Variants in CSMD1 observed in about 807,000 individuals in gnomAD.
CSMD1 encodes CUB and sushi domain-containing protein 1.
CSMD1 carries 213 observed loss-of-function variants against 417.5 expected under a neutral mutation model. That is an observed-to-expected ratio of 0.51 (90% CI 0.46 to 0.57). The LOEUF (loss-of-function observed/expected upper bound fraction) is 0.57. CSMD1 is among the 20% of genes least tolerant of loss of function. The pLI is 0.00. For missense variants in CSMD1, 6,923 were observed against 4,529.7 expected (o/e 1.53, Z -15.17); for synonymous variants, 2,862 against 1,736.8 (o/e 1.65, Z -16.11).
rs192557560 is a variant in CSMD1 at position 4,449,195 on chromosome 8, A to G, written c.303-29130T>C. Among the ~76,000 whole-genome samples, 1,145 of 152,004 alleles carry G rather than the reference A, an allele frequency of 7.5e-3. 9 individuals carry two copies. The highest frequency in any genetic ancestry group is 0.025 in the African/African-American group (1,043 of 41,286). ...TCAAAAGCAAGTACATTCTTCTACA[A>G]TACAGTTTTACTTCTATTTTCTCAG... is the stretch of plus-strand genomic sequence containing the variant. On this transcript the variant is annotated intron_variant, in intron 2 of 69. Transcript: ENST00000635120.
intron 21 of CSMD1, among the ~76,000 whole-genome samples, chr8:3,357,338 CT>C (rs1563306503): frequency 2.6e-5 from 4 of 152,164 alleles, no homozygotes; most frequent in African/African-American, 9.7e-5. Flanking sequence ...TTTGTAGAGT[CT>C]TTTTGTCTTA....
intron 52 of CSMD1, among the ~76,000 whole-genome samples, chr8:3,002,941 A>G (rs975912314): frequency 6.6e-5 from 10 of 152,152 alleles, no homozygotes; most frequent in Non-Finnish European, 1.2e-4. Flanking sequence ...TTGCCTGAAG[A>G]AAAAAAAGTT....
intron 3 of CSMD1, among the ~76,000 whole-genome samples, chr8:4,122,277 T>C (rs144670101): frequency 6.6e-6 from 1 of 152,218 alleles, no homozygotes; most frequent in African/African-American, 2.4e-5. Flanking sequence ...GACCTGGTTA[T>C]TTATAGATTT....
At chr8:4,545,763 G>A (rs1483065059) in intron 2 of CSMD1, among the ~76,000 whole-genome samples, 1 of 152,166 alleles carries the variant, frequency 6.6e-6, no homozygotes, top group Non-Finnish European at 1.5e-5. Flanking sequence ...AAACGCATCT[G>A]TACCTGGAAT....
intron 5 of CSMD1, among the ~76,000 whole-genome samples, chr8:3,839,304 A>G (rs186795817): frequency 0.014 from 1,744 of 123,794 alleles, 35 homozygotes; most frequent in African/African-American, 0.037. Flanking sequence ...ATACTATTAT[A>G]TATACTATTA....
intron 6 of CSMD1, among the ~76,000 whole-genome samples, chr8:3,748,677 G>C (rs1055152974): frequency 2.6e-5 from 4 of 152,164 alleles, no homozygotes; most frequent in African/African-American, 9.7e-5. Flanking sequence ...TGGAGAATGG[G>C]GAATGCATAC....
intron 1 of CSMD1, among the ~76,000 whole-genome samples, chr8:4,732,331 T>C (rs1012377349): frequency 7.0e-6 from 1 of 143,004 alleles, no homozygotes; most frequent in Admixed American, 7.3e-5. Flanking sequence ...TTAATAGATT[T>C]AAATTTCTTC....
At chr8:3,858,431 T>C (rs1804460383) in intron 5 of CSMD1, among the ~76,000 whole-genome samples, 1 of 152,174 alleles carries the variant, frequency 6.6e-6, no homozygotes, top group Non-Finnish European at 1.5e-5. Flanking sequence ...CAGTTTTTAA[T>C]CTATGTTTCA....
intron 5 of CSMD1, among the ~76,000 whole-genome samples, chr8:3,981,901 G>C (rs1378283905): frequency 2.6e-5 from 4 of 152,128 alleles, no homozygotes; most frequent in African/African-American, 9.7e-5. Context: ...TACAGAACTA[G>C]TTACAATTGC....
chr8:4,383,318 G>T (rs957093309), intron 3 of CSMD1, among the ~76,000 whole-genome samples: 3 of 152,138 alleles, frequency 2.0e-5, no homozygotes, highest in Non-Finnish European at 4.4e-5. Flanking sequence ...GGCATGGGGG[G>T]ATCTCTGAGT....
At chr8:3,815,622 CTTTCTTT>C (rs992338410) in intron 5 of CSMD1, among the ~76,000 whole-genome samples, 1 of 68,496 alleles carries the variant, frequency 1.5e-5, no homozygotes, top group Admixed American at 1.5e-4. Context: ...CACTGCTAGA[CTTTCTTT>C]TTTTTTTTTT....
intron 12 of CSMD1, among the ~76,000 whole-genome samples, chr8:3,419,099 C>T (rs1260589259): frequency 6.6e-6 from 1 of 152,192 alleles, no homozygotes; most frequent in African/African-American, 2.4e-5. Context: ...CAGCTAGGAA[C>T]CTCATGGAGG....
At chr8:3,739,680 G>T (rs753976049) in intron 6 of CSMD1, among the ~76,000 whole-genome samples, 4 of 152,136 alleles carry the variant, frequency 2.6e-5, no homozygotes, top group African/African-American at 4.8e-5. Flanking sequence ...TTCCTGTGTT[G>T]TAAGACTGTA....
intron 5 of CSMD1, among the ~76,000 whole-genome samples, chr8:3,783,814 A>G (rs1799307547): frequency 6.6e-6 from 1 of 152,184 alleles, no homozygotes; most frequent in African/African-American, 2.4e-5. Context: ...ATTGTAGGAC[A>G]GCATTTTCCC....
At chr8:4,320,001 T>C (rs1326533272) in intron 3 of CSMD1, among the ~76,000 whole-genome samples, 1 of 152,124 alleles carries the variant, frequency 6.6e-6, no homozygotes, top group East Asian at 1.9e-4. Flanking sequence ...ATAGGAGTAT[T>C]GGGTTAAGTA....
chr8:3,274,968 A>G (rs1302888190), intron 26 of CSMD1, among the ~76,000 whole-genome samples: 2 of 152,240 alleles, frequency 1.3e-5, no homozygotes, highest in East Asian at 1.9e-4. Context: ...TGATCCTGTC[A>G]TTATGATGTT....
chr8:4,822,026 G>A (rs1799553056), intron 1 of CSMD1, among the ~76,000 whole-genome samples: 2 of 151,926 alleles, frequency 1.3e-5, no homozygotes, highest in South Asian at 4.2e-4. Context: ...TCACTACTAT[G>A]GGAATTATTA....
chr8:3,177,112 G>A (rs938470528), intron 37 of CSMD1, among the ~76,000 whole-genome samples: 1 of 152,144 alleles, frequency 6.6e-6, no homozygotes, highest in African/African-American at 2.4e-5. Context: ...AACTCCCCCA[G>A]AAGAGACGAG....
intron 7 of CSMD1, among the ~76,000 whole-genome samples, chr8:3,651,617 C>G (rs1390721847): frequency 6.6e-6 from 1 of 152,124 alleles, no homozygotes; most frequent in Admixed American, 6.5e-5. Flanking sequence ...ACTCATTGTC[C>G]TTCTCATCCA....
Sources: allele counts gnomAD v4.1 joint callset (sites outside exome capture counted in the v4.1 genomes callset), GRCh38; gene constraint gnomAD v4.1.1; transcripts MANE v1.5; gene names NCBI Gene and HGNC (gene_info 2026-07-23, HGNC 2026-07-21).